ERAP2: variants seen among roughly 807,000 people sequenced by gnomAD.
ERAP2 encodes the protein endoplasmic reticulum aminopeptidase 2.
Under a neutral mutation model 111.1 loss-of-function variants are expected in ERAP2, and 118 were observed. That is an observed-to-expected ratio of 1.06 (90% confidence interval 0.92 to 1.24). The LOEUF (loss-of-function observed/expected upper bound fraction) is 1.24, where lower values mean the gene tolerates loss of function less well. Among genes scored for constraint, ERAP2 ranks in the 50% most tolerant of loss-of-function variants. The pLI is 0.00. For missense variants in ERAP2, 1,131 were observed against 1,125.8 expected (o/e 1.00, Z -0.07); for synonymous variants, 410 against 401.2 (o/e 1.02, Z -0.26).
intron 9 of ERAP2, among the ~76,000 whole-genome samples, chr5:96,898,697 C>T (rs1001667891): frequency 6.6e-6 from 1 of 152,024 alleles, no homozygotes; most frequent in Non-Finnish European, 1.5e-5. Flanking sequence ...TGAGATCACA[C>T]CACTGGACTC....
At chr5:96,913,547 T>A (rs113350557) in intron 17 of ERAP2, 90 bp downstream of exon 17, 22,001 of 1,411,962 alleles carry the variant, frequency 0.016, 222 homozygotes, top group Non-Finnish European at 0.019. Context: ...TCTCAAAGCA[T>A]ATAAATAATA....
intron 9 of ERAP2, among the ~76,000 whole-genome samples, chr5:96,899,167 ATACTAAGGGACAGATTTGC>A (rs1208102624): frequency 1.3e-5 from 2 of 152,228 alleles, no homozygotes; most frequent in Admixed American, 1.3e-4. Context: ...GAGAAAACTG[ATACTAAGGGACAGATTTGC>A]CCAAAGTCAC....
intron 9 of ERAP2, among the ~76,000 whole-genome samples, chr5:96,898,779 G>A (rs1429518248): frequency 6.6e-6 from 1 of 151,814 alleles, no homozygotes; most frequent in Non-Finnish European, 1.5e-5. Context: ...AACATATAAA[G>A]ATGCTCTTTA....
chr5:96,917,652 A>T lies in ERAP2; in HGVS notation c.*47A>T. ...CTGGGCGCGGTGGCTCACGCCTGTA[A>T]TCCCAGCACTTTGGGAGGCTGAGAA... On this transcript the variant is annotated 3_prime_UTR_variant, in exon 19 of 19. Transcript: ENST00000437043. The T allele has an allele frequency of 6.9e-7, 1 of 1,452,548 alleles. No individual in the cohort carries two copies. Among genetic ancestry groups the T allele is most frequent in the South Asian group, 1.2e-5 (1 of 83,778 alleles). The allele number at this position is 1,452,548 out of a possible 1,614,324, so 90.0% of individuals were successfully genotyped here. A position where few individuals can be genotyped will look rare whatever the true frequency, so the allele number is the denominator to read the frequency against.
intron 7 of ERAP2, 95 bp downstream of exon 7, chr5:96,895,454 T>A: frequency 3.3e-6 from 3 of 896,346 alleles, no homozygotes; most frequent in Non-Finnish European, 5.3e-6. Context: ...AAAAACTACA[T>A]AATGTTGTGG....
At chr5:96,908,115 G>A (rs1280674752) in intron 13 of ERAP2, among the ~76,000 whole-genome samples, 1 of 152,186 alleles carries the variant, frequency 6.6e-6, no homozygotes, top group Admixed American at 6.5e-5. Context: ...AAGCCCAGAA[G>A]AGGTAGAGCA....
intron 15 of ERAP2, among the ~76,000 whole-genome samples, chr5:96,911,940 A>G (rs948392846): frequency 3.3e-5 from 5 of 151,040 alleles, no homozygotes; most frequent in Non-Finnish European, 7.4e-5. Context: ...CTGTAATCCC[A>G]GCACTTTGGG....
Position 96,919,414 on chromosome 5 carries a change from G to A in ERAP2, c.*1809G>A, listed in dbSNP as rs1394712155. On this transcript the variant is annotated 3_prime_UTR_variant, in exon 19 of 19. Coordinates refer to ENST00000437043, the MANE Select transcript of ERAP2 (RefSeq NM_022350.5). ...AGAATTACATGTATTTTAGCATAAG[G>A]AAATTGAAAAAGTAAAACATACTGG... 1.3e-5 allele frequency: 2 copies of A among 152,116 alleles called. No individual in the cohort carries two copies. Among genetic ancestry groups the A allele is most frequent in the Non-Finnish European group, 2.9e-5 (2 of 67,998 alleles). 9.4% of individuals were successfully genotyped at this position (152,116 alleles called of 1,614,324 possible).
intron 3 of ERAP2, 40 bp from the exon 4 acceptor site, chr5:96,886,615 C>A: frequency 6.9e-7 from 1 of 1,451,374 alleles, no homozygotes; most frequent in Non-Finnish European, 9.3e-7. Context: ...ATGAAATACT[C>A]CAGTTTTCAA....
chr5:96,892,450 C>T lies in ERAP2; in HGVS notation c.1122C>T (p.His374=), dbSNP rs1338178420. The T allele has an allele frequency of 6.2e-7, 1 of 1,613,754 alleles. No individual in the cohort carries two copies. Among genetic ancestry groups the T allele is most frequent in the East Asian group, 2.2e-5 (1 of 44,868 alleles). Residue 374 remains histidine, a synonymous_variant, in exon 6 of 19, where the codon CAC becomes CAT. Coordinates refer to ENST00000437043, the MANE Select transcript of ERAP2 (RefSeq NM_022350.5). ...GAGTCATAGCCCATGAACTGGCGCA[C>T]CAGGTACTTGGCACTCATGACATTA... ...VTRVIAHELA[H]QWFGNLVTME... is the part of the protein sequence containing the mutation.
intron 11 of ERAP2, 152 bp downstream of exon 11, chr5:96,901,833 C>T: frequency 1.3e-6 from 1 of 743,972 alleles, no homozygotes; most frequent in Non-Finnish European, 2.1e-6. Context: ...ATTTAAAGAG[C>T]TTCATATAAC....
chr5:96,902,075 C>T (rs1213485786), intron 11 of ERAP2, among the ~76,000 whole-genome samples, 199 bp from the exon 12 acceptor site: 9 of 152,176 alleles, frequency 5.9e-5, no homozygotes. Flanking sequence ...ATGGCTGCTC[C>T]TTTATAATTA....
intron 6 of ERAP2, among the ~76,000 whole-genome samples, chr5:96,894,599 A>G (rs1030814639): frequency 3.9e-5 from 6 of 152,216 alleles, no homozygotes; most frequent in African/African-American, 1.4e-4. Flanking sequence ...CAGATCAAAT[A>G]TAGGTAAAGG....
chr5:96,897,295 T>G (rs1784976158), intron 9 of ERAP2, among the ~76,000 whole-genome samples: 1 of 152,222 alleles, frequency 6.6e-6, no homozygotes, highest in African/African-American at 2.4e-5. Context: ...TCATTGTGCC[T>G]ATATTTCTAG....
chr5:96,911,240 T>C (rs1027153416), intron 15 of ERAP2, among the ~76,000 whole-genome samples: 2 of 152,232 alleles, frequency 1.3e-5, no homozygotes, highest in Non-Finnish European at 2.9e-5. Context: ...ATAAGAGGTA[T>C]GGAGACTAGT....
chr5:96,903,383 T>TG lies in ERAP2; in HGVS notation c.1837dup (p.Asp613GlyfsTer4), dbSNP rs78900110. 6.2e-7 allele frequency: 1 copy of TG among 1,611,630 alleles called. No individual in the cohort carries two copies. The highest frequency in any genetic ancestry group is 2.2e-5 in the East Asian group (1 of 44,856). ...GCCAATCTTATCCTCTTAGATACTC[T>TG]GGATCTACCTGAAAAGACCAGTTGG... On this transcript the variant is annotated frameshift_variant, in exon 13 of 19. Coordinates refer to ENST00000437043, the MANE Select transcript of ERAP2 (RefSeq NM_022350.5). LOFTEE classifies it high-confidence loss of function.
intron 4 of ERAP2, among the ~76,000 whole-genome samples, chr5:96,887,035 A>G (rs1783801969): frequency 2.0e-5 from 3 of 149,536 alleles, no homozygotes; most frequent in Middle Eastern, 6.9e-3. Context: ...ACATAGTAAC[A>G]GTATTTACTT....
chr5:96,908,726 G>A (rs1434912876), intron 13 of ERAP2, among the ~76,000 whole-genome samples: 1 of 152,168 alleles, frequency 6.6e-6, no homozygotes, highest in Non-Finnish European at 1.5e-5. Context: ...ACAAGCCTAT[G>A]AGGAAGATAG....
rs1482430748 is a variant in ERAP2 at position 96,883,930 on chromosome 5, G to T, written c.714G>T (p.Lys238Asn). The change falls in exon 3 of 19, where the codon AAG (lysine) becomes AAT (asparagine). Residue 238 changes from lysine to asparagine, a missense_variant and splice_region_variant. Coordinates refer to ENST00000437043, the MANE Select transcript of ERAP2 (RefSeq NM_022350.5). ...SRHIALSNMP[K>N]VKTIELEGGL... ...ATATTGCACTATCCAACATGCCAAA[G>T]GTATGTCCACTTCCAGAAACTTTTA... 1.3e-6 allele frequency: 2 copies of T among 1,580,054 alleles called. No homozygotes were observed. The highest frequency in any genetic ancestry group is 1.7e-6 in the Non-Finnish European group (2 of 1,166,282).
Sources: allele counts gnomAD v4.1 joint callset (sites outside exome capture counted in the v4.1 genomes callset), GRCh38; gene constraint gnomAD v4.1.1; transcripts MANE v1.5; gene names NCBI Gene and HGNC (gene_info 2026-07-23, HGNC 2026-07-21).